The following ARID4B variants were observed in gnomAD, a reference collection of about 807,000 sequenced individuals.
ARID4B encodes the protein AT-rich interaction domain 4B.
A neutral mutation model predicts 147.5 loss-of-function variants in ARID4B; 26 were observed. The observed-to-expected ratio is 0.18, with a 90% confidence interval of 0.13 to 0.24. The LOEUF is 0.24. Ranked by LOEUF, ARID4B falls within the 10% of genes least tolerant of loss-of-function variation. ARID4B has a pLI of 1.00. For missense variants in ARID4B, 1,179 were observed against 1,511.5 expected, an observed-to-expected ratio of 0.78 and a Z score of 3.65; for synonymous variants, 512 against 507.9, an observed-to-expected ratio of 1.01 and a Z score of -0.11.
At chr1:235,256,173 CAAA>C (rs58486379) in intron 4 of ARID4B, among the ~76,000 whole-genome samples, 4 of 92,498 alleles carry the variant, frequency 4.3e-5, no homozygotes, top group Admixed American at 1.3e-4. Context: ...GACTCTGCCT[CAAA>C]AAAAAAAAAA....
chr1:235,203,443 G>C (rs1237327267), intron 17 of ARID4B, among the ~76,000 whole-genome samples: 1 of 152,106 alleles, frequency 6.6e-6, no homozygotes, highest in African/African-American at 2.4e-5. Flanking sequence ...TAAACAGCAT[G>C]CAGAATAAAG....
chr1:235,255,234 GAT>G (rs1405099967), intron 5 of ARID4B, among the ~76,000 whole-genome samples: 9 of 100,514 alleles, frequency 9.0e-5, no homozygotes, highest in African/African-American at 2.5e-4. Context: ...TAGATAGATA[GAT>G]AGATAGATAG....
chr1:235,260,539 C>T, intron 3 of ARID4B, 103 bp downstream of exon 3: 2 of 764,254 alleles, frequency 2.6e-6, no homozygotes, highest in South Asian at 4.5e-5. Context: ...AACCTTCACT[C>T]CTAGAAACTT....
chr1:235,300,195 C>A (rs1219456811), intron 2 of ARID4B, among the ~76,000 whole-genome samples: 1 of 151,974 alleles, frequency 6.6e-6, no homozygotes, highest in African/African-American at 2.4e-5. Flanking sequence ...GCGGGCAAAC[C>A]GCTTGAGGTC....
At chr1:235,267,225 C>T (rs1670661782) in intron 2 of ARID4B, among the ~76,000 whole-genome samples, 1 of 152,082 alleles carries the variant, frequency 6.6e-6, no homozygotes, top group Admixed American at 6.5e-5. Flanking sequence ...CTGCAGTGAG[C>T]CATGACTGCA....
chr1:235,323,468 G>GA (rs966703805), intron 2 of ARID4B, among the ~76,000 whole-genome samples: 4 of 151,496 alleles, frequency 2.6e-5, no homozygotes, highest in African/African-American at 9.7e-5. Flanking sequence ...ATAGATACAG[G>GA]AAAAAAAAGT....
intron 12 of ARID4B, among the ~76,000 whole-genome samples, chr1:235,223,737 A>C (rs1667657307): frequency 6.8e-6 from 1 of 147,448 alleles, no homozygotes; most frequent in African/African-American, 2.5e-5. Context: ...AAGGATGCTA[A>C]ATCAAACAAA....
intron 23 of ARID4B, among the ~76,000 whole-genome samples, chr1:235,171,665 G>GTT (rs1025608748): frequency 2.0e-5 from 3 of 151,190 alleles, no homozygotes; most frequent in African/African-American, 7.3e-5. Context: ...TTGAGACAGA[G>GTT]TTTAGCTCTT....
At chr1:235,238,802 T>G (rs886939061) in intron 8 of ARID4B, among the ~76,000 whole-genome samples, 2 of 151,038 alleles carry the variant, frequency 1.3e-5, no homozygotes, top group Non-Finnish European at 2.9e-5. Context: ...CTGCAGCGAG[T>G]CAGGATCACA....
In ARID4B at chr1:235,167,358, A is replaced by G. The variant is rs970993212; in HGVS notation, c.*1167T>C. ...AAATAGCTTGAATGAACACATCCAC[A>G]ATATACAAATGTCTTACAAAGGTGA... On this transcript the variant is annotated 3_prime_UTR_variant, in exon 24 of 24. Transcript: ENST00000264183. 13 of 221,532 alleles carry G rather than the reference A, an allele frequency of 5.9e-5. No individual in the cohort carries two copies. The highest frequency in any genetic ancestry group is 2.9e-4 in the African/African-American group (13 of 44,678). 13.7% of individuals were successfully genotyped at this position (221,532 alleles called of 1,614,324 possible). A position where few individuals can be genotyped will look rare whatever the true frequency, so the allele number is the denominator to read the frequency against.
Position 235,325,824 on chromosome 1 carries a change from A to G in ARID4B, c.6+1090T>C, listed in dbSNP as rs376259804. On this transcript the variant is annotated intron_variant, in intron 2 of 23. Transcript: ENST00000264183. ...ATTAGACTAAACTTAATTACTCTGT[A>G]TAGTAGACCAAGATTTAAGTAGCCA... Among the ~76,000 whole-genome samples the G allele has an allele frequency of 3.9e-5, 6 of 152,378 alleles. No individual in the cohort carries two copies. In the East Asian group the frequency reaches 9.6e-4, roughly 24 times the overall value.
intron 2 of ARID4B, among the ~76,000 whole-genome samples, chr1:235,302,806 G>T (rs79782279): frequency 6.6e-6 from 1 of 152,248 alleles, no homozygotes; most frequent in East Asian, 1.9e-4. Context: ...TTTTATCATT[G>T]TCCTCATTTC....
intron 8 of ARID4B, among the ~76,000 whole-genome samples, chr1:235,236,870 T>A (rs1417327532): frequency 4.6e-3 from 197 of 43,086 alleles, no homozygotes; most frequent in African/African-American, 8.6e-3. Flanking sequence ...ATATTTTTTT[T>A]TTTTTTTTTT....
chr1:235,279,596 G>C (rs1417585923), intron 2 of ARID4B, among the ~76,000 whole-genome samples: 2 of 152,186 alleles, frequency 1.3e-5, no homozygotes, highest in South Asian at 2.1e-4. Flanking sequence ...CTTCTATGCA[G>C]AAAAAAGTTA....
intron 14 of ARID4B, among the ~76,000 whole-genome samples, 167 bp from the exon 15 acceptor site, chr1:235,220,712 ATT>A (rs1376459451): frequency 1.3e-5 from 2 of 152,100 alleles, no homozygotes; most frequent in African/African-American, 2.4e-5. Context: ...CAAAAAAAAA[ATT>A]TTGTCAAAAA....
Position 235,255,754 on chromosome 1 carries a change from A to C in ARID4B, c.184-4T>G. 6.3e-7 allele frequency: 1 copy of C among 1,591,856 alleles called. No homozygotes were observed. ...TCACTTCCACAATAGCTCCTACCTA[A>C]AGTATTTTTAAACATGTTAGAAAAA... On this transcript the variant is annotated splice_region_variant and splice_polypyrimidine_tract_variant and intron_variant, in intron 4 of 23. Coordinates refer to ENST00000264183, the MANE Select transcript of ARID4B (RefSeq NM_016374.6).
At chr1:235,317,393 G>A (rs1674515931) in intron 2 of ARID4B, among the ~76,000 whole-genome samples, 1 of 152,110 alleles carries the variant, frequency 6.6e-6, no homozygotes, top group Admixed American at 6.6e-5. Flanking sequence ...AGTAATATAT[G>A]AGCAAGCGTT....
At chr1:235,252,897 C>T (rs1438082754) in intron 5 of ARID4B, 88 bp from the exon 6 acceptor site, 1 of 999,530 alleles carries the variant, frequency 1.0e-6, no homozygotes. Context: ...TGAGTGCAAA[C>T]AGATCTACTA....
At chr1:235,303,165 C>T (rs1332170218) in intron 2 of ARID4B, among the ~76,000 whole-genome samples, 2 of 152,014 alleles carry the variant, frequency 1.3e-5, no homozygotes, top group African/African-American at 2.4e-5. Flanking sequence ...CCTTGTGATC[C>T]GCCTGCCTCG....
Sources: allele counts gnomAD v4.1 joint callset (sites outside exome capture counted in the v4.1 genomes callset), GRCh38; gene constraint gnomAD v4.1.1; transcripts MANE v1.5; gene names NCBI Gene and HGNC (gene_info 2026-07-23, HGNC 2026-07-21).